Variants in PLSCR2 observed in about 807,000 individuals in gnomAD.
PLSCR2 encodes phospholipid scramblase 2, also known as PL scramblase 2.
A neutral mutation model predicts 25.3 loss-of-function variants in PLSCR2; 18 were observed. That is an observed-to-expected ratio of 0.71 (90% CI 0.49 to 1.06). The LOEUF (loss-of-function observed/expected upper bound fraction) is 1.06, where lower values mean the gene tolerates loss of function less well. Ranked by LOEUF, PLSCR2 falls within the 50% of genes least tolerant of loss-of-function variation. PLSCR2 has a pLI of 0.00. For missense variants in PLSCR2, 243 were observed against 269.5 expected (o/e 0.90, Z 0.69); for synonymous variants, 88 against 87.3 (o/e 1.01, Z -0.04).
chr3:146,408,923 A>G (rs1024759537), intron 2 of PLSCR2, among the ~76,000 whole-genome samples: 3 of 151,850 alleles, frequency 2.0e-5, no homozygotes, highest in Non-Finnish European at 2.9e-5. Flanking sequence ...GGAGGTCTCT[A>G]GCTTCCTCCT....
chr3:146,484,760 A>G (rs1293108830), intron 1 of PLSCR2, among the ~76,000 whole-genome samples: 1 of 152,150 alleles, frequency 6.6e-6, no homozygotes. Context: ...CATTTCCACC[A>G]GTCCTGCCCT....
chr3:146,441,124 A>G (rs1560000826), downstream of PLSCR2, among the ~76,000 whole-genome samples: 1 of 152,144 alleles, frequency 6.6e-6, no homozygotes, highest in Admixed American at 6.5e-5. Context: ...CGAAAACCTT[A>G]TTTATAGTAC....
At chr3:146,454,813 C>T (rs1172461270) in intron 4 of PLSCR2, among the ~76,000 whole-genome samples, 2 of 152,160 alleles carry the variant, frequency 1.3e-5, no homozygotes, top group African/African-American at 2.4e-5. Flanking sequence ...TTGTCCCTTA[C>T]TAGGTTGGCC....
At chr3:146,455,960 C>G (rs571300475) in intron 3 of PLSCR2, among the ~76,000 whole-genome samples, 1 of 152,204 alleles carries the variant, frequency 6.6e-6, no homozygotes, top group African/African-American at 2.4e-5. Flanking sequence ...GGCTAACTCT[C>G]AAGGCACGTG....
exon 2 of PLSCR2, chr3:146,459,999 TAGA>T: frequency 6.2e-7 from 1 of 1,612,164 alleles, no homozygotes; most frequent in Non-Finnish European, 8.5e-7. Context: ...ACGTCCTGGG[TAGA>T]AGGCCTGGGA....
chr3:146,488,291 T>C (rs369705336), intron 1 of PLSCR2, among the ~76,000 whole-genome samples: 1 of 151,724 alleles, frequency 6.6e-6, no homozygotes, highest in Non-Finnish European at 1.5e-5. Context: ...GACAAATACA[T>C]CAAAAGCAAT....
chr3:146,478,282 A>C (rs1270294479), intron 1 of PLSCR2, among the ~76,000 whole-genome samples: 1 of 152,208 alleles, frequency 6.6e-6, no homozygotes, highest in African/African-American at 2.4e-5. Context: ...CAGTAATAAC[A>C]AACTTCTCTG....
intron 6 of PLSCR2, among the ~76,000 whole-genome samples, chr3:146,442,276 AT>A (rs1445706274): frequency 6.6e-6 from 1 of 152,020 alleles, no homozygotes; most frequent in Non-Finnish European, 1.5e-5. Flanking sequence ...AAAGGCAAAC[AT>A]TCTGTATACT....
At chr3:146,480,264 C>T (rs962046728) in intron 1 of PLSCR2, among the ~76,000 whole-genome samples, 1 of 151,864 alleles carries the variant, frequency 6.6e-6, no homozygotes, top group Non-Finnish European at 1.5e-5. Context: ...GATAGAGACA[C>T]AAAAAACCCT....
At chr3:146,437,357 G>T (rs2039938617), downstream of PLSCR2, among the ~76,000 whole-genome samples, 1 of 152,212 alleles carries the variant, frequency 6.6e-6, no homozygotes, top group South Asian at 2.1e-4. Context: ...AATGGTACCA[G>T]CTCCTCTTTG....
chr3:146,437,408 T>G (rs1046704162), downstream of PLSCR2, among the ~76,000 whole-genome samples: 1 of 152,132 alleles, frequency 6.6e-6, no homozygotes, highest in South Asian at 2.1e-4. Flanking sequence ...GTCCTGGACT[T>G]TTTTTGGTTG....
At chr3:146,429,719 G>A (rs569394069), downstream of PLSCR2, among the ~76,000 whole-genome samples, 2 of 152,078 alleles carry the variant, frequency 1.3e-5, no homozygotes. Flanking sequence ...TCCACCTCCT[G>A]GGTTCATGCC....
chr3:146,473,300 T>C (rs1417163374), intron 1 of PLSCR2, among the ~76,000 whole-genome samples: 1 of 129,686 alleles, frequency 7.7e-6, no homozygotes, highest in African/African-American at 2.8e-5. Flanking sequence ...AGAAAAGTAC[T>C]ATCTTTTTTT....
chr3:146,483,479 GTATATATATATATATATATA>G (rs56655616), intron 1 of PLSCR2, among the ~76,000 whole-genome samples: 1 of 54,824 alleles, frequency 1.8e-5, no homozygotes, highest in East Asian at 5.9e-4. Flanking sequence ...ATATACATGT[GTATATATATATATATATATA>G]TATATATATA....
At chr3:146,428,314 A>G (rs539190593), downstream of PLSCR2, among the ~76,000 whole-genome samples, 2 of 152,304 alleles carry the variant, frequency 1.3e-5, no homozygotes, top group East Asian at 1.9e-4. Flanking sequence ...TTTGTTTTCT[A>G]CCTCTGCCAG....
intron 1 of PLSCR2, among the ~76,000 whole-genome samples, chr3:146,477,210 C>A (rs945062013): frequency 6.6e-6 from 1 of 152,170 alleles, no homozygotes; most frequent in South Asian, 2.1e-4. Context: ...ACTGAGGGAC[C>A]TGGTTCATCT....
intron 2 of PLSCR2, chr3:146,401,459 G>A (rs952312418): frequency 6.6e-6 from 1 of 152,398 alleles, no homozygotes; most frequent in Admixed American, 6.6e-5. Flanking sequence ...ATCCACAAAG[G>A]TGTCGAAGGA....
chr3:146,453,933 A>G (rs1249653802), intron 5 of PLSCR2, 69 bp downstream of exon 5: 14 of 1,281,572 alleles, frequency 1.1e-5, no homozygotes, highest in South Asian at 1.6e-5. Flanking sequence ...TAAGGCATTC[A>G]TAATATTCTG....
upstream of PLSCR2, among the ~76,000 whole-genome samples, chr3:146,464,721 AT>A (rs1023544345): frequency 4.0e-4 from 61 of 152,318 alleles, no homozygotes; most frequent in African/African-American, 1.3e-3. Flanking sequence ...TTTGGAGTAA[AT>A]TGAGGCAGCA....
Sources: gnomAD v4.1 joint callset for allele counts (sites outside exome capture counted in the v4.1 genomes callset) on GRCh38, gnomAD v4.1.1 for gene constraint, MANE v1.5 for transcripts, NCBI Gene and HGNC (gene_info 2026-07-23, HGNC 2026-07-21) for gene names.